SYNDIG1: variants seen among roughly 807,000 people sequenced by gnomAD.
SYNDIG1 encodes the protein synapse differentiation-inducing gene protein 1.
SYNDIG1 carries 9 observed loss-of-function variants against 19.4 expected under a neutral mutation model. The observed-to-expected ratio is 0.46, with a 90% confidence interval of 0.28 to 0.81. The LOEUF is 0.81. Among genes scored for constraint, SYNDIG1 ranks in the 30% least tolerant of loss-of-function variants. The probability of loss-of-function intolerance (pLI) is 0.12; values close to 1 mark genes in which losing one functional copy is unlikely to be tolerated. For synonymous variants in SYNDIG1, 141 were observed against 145.9 expected (o/e 0.97, Z 0.24); for missense variants, 311 against 343.3 (o/e 0.91, Z 0.74).
chr20:24,542,103 A>G (rs2057479962), intron 1 of SYNDIG1, among the ~76,000 whole-genome samples: 1 of 152,216 alleles, frequency 6.6e-6, no homozygotes, highest in East Asian at 1.9e-4. Flanking sequence ...GACAAAATAA[A>G]ATTCCACTAA....
intron 3 of SYNDIG1, among the ~76,000 whole-genome samples, chr20:24,643,875 T>C (rs1037602508): frequency 1.3e-5 from 2 of 152,236 alleles, no homozygotes; most frequent in Non-Finnish European, 2.9e-5. Context: ...CAACCACTTA[T>C]GTGATGCTGA....
At chr20:24,528,910 A>G (rs1306350893) in intron 1 of SYNDIG1, among the ~76,000 whole-genome samples, 1 of 152,144 alleles carries the variant, frequency 6.6e-6, no homozygotes, top group African/African-American at 2.4e-5. Flanking sequence ...AGCCCCAAAC[A>G]CTACAAACTA....
At chr20:24,636,207 A>G (rs1231948112) in intron 3 of SYNDIG1, among the ~76,000 whole-genome samples, 2 of 152,180 alleles carry the variant, frequency 1.3e-5, no homozygotes, top group African/African-American at 4.8e-5. Context: ...ACTTCTTTTC[A>G]TCATGCATAA....
intron 3 of SYNDIG1, among the ~76,000 whole-genome samples, chr20:24,588,880 G>C (rs1027014378): frequency 1.3e-5 from 2 of 150,784 alleles, no homozygotes; most frequent in African/African-American, 4.9e-5. Flanking sequence ...TTGGTGAGCA[G>C]TAGGCTGGAG....
chr20:24,527,728 C>T (rs961514446), intron 1 of SYNDIG1, among the ~76,000 whole-genome samples: 5 of 152,106 alleles, frequency 3.3e-5, no homozygotes, highest in Non-Finnish European at 7.3e-5. Context: ...CTATTGCAAT[C>T]GACAGAACAG....
chr20:24,538,773 G>GTTT (rs35891354), intron 1 of SYNDIG1, among the ~76,000 whole-genome samples: 2 of 148,578 alleles, frequency 1.3e-5, no homozygotes, highest in African/African-American at 4.9e-5. Flanking sequence ...GTTATTTTCC[G>GTTT]TTTTTTTTTT....
intron 3 of SYNDIG1, among the ~76,000 whole-genome samples, chr20:24,605,703 C>T (rs946519849): frequency 1.3e-5 from 2 of 151,422 alleles, no homozygotes; most frequent in African/African-American, 4.9e-5. Flanking sequence ...ATTTTTTTTT[C>T]CACTGATAGG....
intron 3 of SYNDIG1, among the ~76,000 whole-genome samples, chr20:24,592,898 C>T (rs139522533): frequency 5.3e-5 from 8 of 152,244 alleles, no homozygotes; most frequent in Admixed American, 2.0e-4. Context: ...CAGGTGTGAG[C>T]CACCCCTGTA....
chr20:24,470,318 A>G (rs563232040), intron 1 of SYNDIG1, among the ~76,000 whole-genome samples: 1 of 152,302 alleles, frequency 6.6e-6, no homozygotes, highest in Non-Finnish European at 1.5e-5. Context: ...GCGGAGCGGC[A>G]GGCAAGGTGC....
At chr20:24,653,216 T>C (rs1251829562) in intron 3 of SYNDIG1, among the ~76,000 whole-genome samples, 1 of 151,734 alleles carries the variant, frequency 6.6e-6, no homozygotes, top group African/African-American at 2.4e-5. Context: ...TGTCAGCACG[T>C]TTTGGAAGAT....
chr20:24,575,375 G>A (rs533115058), intron 2 of SYNDIG1, among the ~76,000 whole-genome samples: 6 of 152,302 alleles, frequency 3.9e-5, no homozygotes, highest in South Asian at 4.1e-4. Flanking sequence ...CACACTGAAC[G>A]TTCATTTATT....
chr20:24,556,272 G>A (rs535777663), intron 2 of SYNDIG1, among the ~76,000 whole-genome samples: 100 of 152,298 alleles, frequency 6.6e-4, no homozygotes, highest in African/African-American at 2.3e-3. Context: ...TTGCCAGTCT[G>A]TGTCTTTTAA....
intron 3 of SYNDIG1, among the ~76,000 whole-genome samples, chr20:24,595,755 T>C (rs1169460275): frequency 6.6e-6 from 1 of 152,248 alleles, no homozygotes; most frequent in Non-Finnish European, 1.5e-5. Context: ...CCATTTCTTC[T>C]AGGTGTTATA....
chr20:24,520,793 T>G (rs748738128), intron 1 of SYNDIG1, among the ~76,000 whole-genome samples: 9 of 152,220 alleles, frequency 5.9e-5, no homozygotes, highest in Non-Finnish European at 8.8e-5. Context: ...ACTTCTTATT[T>G]TTTTGAGAAA....
chr20:24,577,488 G>A lies in SYNDIG1; in HGVS notation c.481-7368G>A, dbSNP rs571144594. On this transcript the variant is annotated intron_variant, in intron 2 of 3. Transcript: ENST00000376862. ...CATCTCAGACACGGGCCTCACCCACGTGGCTCATGAAGACTCATTCCCTTC... is the reference window on the plus strand; with the variant it reads ...CATCTCAGACACGGGCCTCACCCACATGGCTCATGAAGACTCATTCCCTTC... Among the ~76,000 whole-genome samples the A allele has an allele frequency of 9.8e-5, 15 of 152,364 alleles. No individual in the cohort carries two copies. In the East Asian group the frequency reaches 2.7e-3, roughly 27 times the overall value.
intron 3 of SYNDIG1, among the ~76,000 whole-genome samples, chr20:24,635,768 A>G (rs1214757326): frequency 1.3e-5 from 2 of 152,080 alleles, no homozygotes; most frequent in African/African-American, 2.4e-5. Flanking sequence ...TCACGGCCAC[A>G]CAGTTAACCT....
At chr20:24,506,224 G>T (rs1388732390) in intron 1 of SYNDIG1, among the ~76,000 whole-genome samples, 1 of 152,364 alleles carries the variant, frequency 6.6e-6, no homozygotes, top group South Asian at 2.1e-4. Context: ...GAGTCTGTCT[G>T]TCCAGCCATC....
intron 3 of SYNDIG1, among the ~76,000 whole-genome samples, chr20:24,598,337 T>G (rs6049805): frequency 6.6e-6 from 1 of 152,292 alleles, no homozygotes; most frequent in South Asian, 2.1e-4. Flanking sequence ...ATAAATTTTA[T>G]GAATTGGAAT....
At chr20:24,565,872 C>T (rs77468145) in intron 2 of SYNDIG1, among the ~76,000 whole-genome samples, 36,205 of 152,072 alleles carry the variant, frequency 0.24, 4,605 homozygotes, top group Admixed American at 0.34. Flanking sequence ...TGTTCTTTCT[C>T]TTGCCCTTCA....
Sources: allele counts gnomAD v4.1 joint callset (sites outside exome capture counted in the v4.1 genomes callset), GRCh38; gene constraint gnomAD v4.1.1; transcripts MANE v1.5; gene names NCBI Gene and HGNC (gene_info 2026-07-23, HGNC 2026-07-21).